Variants in SPSB1 observed in about 807,000 individuals in gnomAD.
SPSB1 encodes SPRY domain-containing SOCS box protein 1.
A neutral mutation model predicts 21.2 loss-of-function variants in SPSB1; 8 were observed. The observed-to-expected ratio is 0.38, with a 90% CI of 0.22 to 0.68. The LOEUF (loss-of-function observed/expected upper bound fraction) is 0.68. SPSB1 is among the 30% of genes least tolerant of loss of function. SPSB1 has a pLI of 0.53. For missense variants in SPSB1, 242 were observed against 377.8 expected (o/e 0.64, Z 2.98); for synonymous variants, 169 against 161.7 (o/e 1.05, Z -0.34).
intron 1 of SPSB1, among the ~76,000 whole-genome samples, chr1:9,314,692 A>G (rs1049023095): frequency 6.6e-6 from 1 of 152,250 alleles, no homozygotes; most frequent in Non-Finnish European, 1.5e-5. Flanking sequence ...GGGAAGAATC[A>G]GCCTTGAGTG....
intron 1 of SPSB1, among the ~76,000 whole-genome samples, chr1:9,353,605 A>C (rs1557463979): frequency 6.6e-6 from 1 of 152,264 alleles, no homozygotes; most frequent in South Asian, 2.1e-4. Context: ...TGAAGAGATG[A>C]CCGTGCCCCT....
intron 2 of SPSB1, among the ~76,000 whole-genome samples, chr1:9,361,687 C>G (rs1640483051): frequency 6.6e-6 from 1 of 152,364 alleles, no homozygotes; most frequent in South Asian, 2.1e-4. Flanking sequence ...GATTCCTCCT[C>G]AAGGCTCGAG....
intron 1 of SPSB1, among the ~76,000 whole-genome samples, chr1:9,349,430 CAG>C (rs958279306): frequency 3.9e-5 from 6 of 152,128 alleles, no homozygotes; most frequent in African/African-American, 1.4e-4. Context: ...AGTGTGGGGT[CAG>C]GGGGCTGTCC....
At position 9,316,927 on chromosome 1, in the gene SPSB1, A is replaced by C. The variant is rs571479199; in HGVS notation, c.-150+23856A>C. 2.8e-4 allele frequency among the ~76,000 whole-genome samples: 42 copies of C among 152,166 alleles called. No individual in the cohort carries two copies. The South Asian group carries it at 8.7e-3, about 32-fold the overall frequency. ...TATAAGAGTGCCCCCGGGTAGAGGG[A>C]GCTGCCTGGTGCTCTCCTTCTGATC... is the stretch of plus-strand genomic sequence containing the variant. On this transcript the variant is annotated intron_variant, in intron 1 of 2. Transcript: ENST00000328089.
chr1:9,328,637 C>T (rs1639864491), intron 1 of SPSB1, among the ~76,000 whole-genome samples: 1 of 152,258 alleles, frequency 6.6e-6, no homozygotes, highest in South Asian at 2.1e-4. Flanking sequence ...GCCCCACCCA[C>T]TGCCTCCCTC....
Position 9,355,953 on chromosome 1 carries a change from C to T in SPSB1, c.62C>T (p.Pro21Leu), listed in dbSNP as rs1640354889. The stretch of plus-strand genomic sequence containing the variant: ...GACATGAGGGACCCCACGTACAGGC[C>T]CCTGAAGCAGGAGCTCCAGGGTCTG... ...TVDMRDPTYR[P>L]LKQELQGLDY... The change falls in exon 2 of 3, where the codon CCC becomes CTC. Residue 21 changes from proline (P) to leucine (L), a missense_variant. By Grantham distance (98) the Pro-to-Leu change is moderately conservative (BLOSUM62 -3). Transcript: ENST00000328089. The T allele has an allele frequency of 6.2e-7, 1 of 1,613,320 alleles. No individual in the cohort carries two copies. Among genetic ancestry groups the T allele is most frequent in the Non-Finnish European group, 8.5e-7 (1 of 1,179,606 alleles).
chr1:9,303,749 T>G (rs1639369122), intron 1 of SPSB1, among the ~76,000 whole-genome samples: 1 of 152,184 alleles, frequency 6.6e-6, no homozygotes, highest in Admixed American at 6.5e-5. Flanking sequence ...CCTTGGAGAT[T>G]AAGTATGGTT....
intron 1 of SPSB1, among the ~76,000 whole-genome samples, chr1:9,313,803 G>T (rs1258035305): frequency 6.6e-6 from 1 of 152,246 alleles, no homozygotes; most frequent in Non-Finnish European, 1.5e-5. Context: ...CTCAGTGAAG[G>T]CTGAGTGAAT....
chr1:9,339,125 G>A (rs1192721207), intron 1 of SPSB1: 10 of 762,406 alleles, frequency 1.3e-5, no homozygotes, highest in African/African-American at 1.9e-5. Context: ...CAGGCCTGGG[G>A]ACCCTACTGC....
rs1188986286 is a variant in SPSB1 at position 9,317,812 on chromosome 1, G to T, written c.-150+24741G>T. ...AAGACAGTTTCAGAGCCTTATGTAG[G>T]TGATTTCCGGTGGCGAGGGAACCAA... On this transcript the variant is annotated intron_variant, in intron 1 of 2. Coordinates refer to ENST00000328089, the MANE Select transcript of SPSB1 (RefSeq NM_025106.4). The surrounding 1 kb of genome is among the most constrained non-coding windows in gnomAD (Gnocchi z 4.3). 6.6e-6 allele frequency among the ~76,000 whole-genome samples: 1 copy of T among 151,038 alleles called. No individual in the cohort carries two copies. Among genetic ancestry groups the T allele is most frequent in the Non-Finnish European group, 1.5e-5 (1 of 67,922 alleles).
At position 9,305,558 on chromosome 1, in the gene SPSB1, G is replaced by A. The variant is rs1402962863; in HGVS notation, c.-150+12487G>A. 6.6e-6 allele frequency among the ~76,000 whole-genome samples: 1 copy of A among 152,204 alleles called. No homozygotes were observed. On this transcript the variant is annotated intron_variant, in intron 1 of 2. Transcript: ENST00000328089. This position sits in a 1 kb window ranked among gnomAD's most constrained non-coding sequence, Gnocchi z 4.8. Reference sequence around the variant, plus strand: ...CGTAGTGGATCCTAGCAGGGTCTGGGAGAGCTCGATGTGGGCCCAGGGTGT... The same window carrying A: ...CGTAGTGGATCCTAGCAGGGTCTGGAAGAGCTCGATGTGGGCCCAGGGTGT...
At position 9,368,710 on chromosome 1, in the gene SPSB1, G is replaced by A. The variant is rs9728893; in HGVS notation, c.*1135G>A. 145,646 of 151,810 alleles carry A rather than the reference G, an allele frequency of 0.96. 70,082 individuals are homozygous for A. Among genetic ancestry groups the A allele is most frequent in the East Asian group, 1 (5,125 of 5,126 alleles). 9.4% of individuals were successfully genotyped at this position (151,810 alleles called of 1,614,324 possible). ...GTGGGTCTCCATTCCCCGAGAAGCCGGGGGCAGGGTGGGATGGGGAAGACC... is the reference window on the plus strand; with the variant it reads ...GTGGGTCTCCATTCCCCGAGAAGCCAGGGGCAGGGTGGGATGGGGAAGACC... On this transcript the variant is annotated 3_prime_UTR_variant, in exon 3 of 3. Transcript: ENST00000328089.
intron 1 of SPSB1, among the ~76,000 whole-genome samples, chr1:9,301,946 C>A (rs531664378): frequency 7.2e-5 from 11 of 152,316 alleles, no homozygotes; most frequent in African/African-American, 2.6e-4. Flanking sequence ...CTTCCCTGCA[C>A]ACAGTGCTTC....
At chr1:9,309,339 A>T in intron 1 of SPSB1, among the ~76,000 whole-genome samples, 1 of 147,894 alleles carries the variant, frequency 6.8e-6, no homozygotes, top group African/African-American at 2.6e-5. Context: ...TGTGTGAGTG[A>T]CAGATTCTCT....
intron 1 of SPSB1, among the ~76,000 whole-genome samples, chr1:9,331,318 C>CTTT (rs1569610888): frequency 7.0e-5 from 5 of 71,654 alleles, no homozygotes; most frequent in African/African-American, 2.4e-4. Flanking sequence ...TACTGGTGCT[C>CTTT]TTGTTTTTTT....
At chr1:9,298,262 G>GA (rs1199620024) in intron 1 of SPSB1, among the ~76,000 whole-genome samples, 2 of 151,990 alleles carry the variant, frequency 1.3e-5, no homozygotes, top group Admixed American at 1.3e-4. Context: ...CAGGTCAAAT[G>GA]AAAAAAAGTC....
rs1035449865 is a variant in SPSB1, at chr1:9,365,555, G to T, written c.695-1893G>T. 3.4e-5 allele frequency among the ~76,000 whole-genome samples: 5 copies of T among 147,180 alleles called. No homozygotes were observed. The East Asian group carries it at 1.1e-3, about 31-fold the overall frequency. On this transcript the variant is annotated intron_variant, in intron 2 of 2. Transcript: ENST00000328089. ...ACCCATTAAAGTATCCAATTCAGTG[G>T]CCTCTTGCGTGGTGAGATGTAGGAA... is the stretch of plus-strand genomic sequence containing the variant.
intron 1 of SPSB1, among the ~76,000 whole-genome samples, chr1:9,319,467 G>A (rs1210838259): frequency 1.3e-5 from 2 of 152,262 alleles, no homozygotes; most frequent in Admixed American, 6.5e-5. Context: ...GTACAGGGGT[G>A]GGATGAGAGG....
At position 9,363,380 on chromosome 1, in the gene SPSB1, T is replaced by C. The variant is rs1246428762; in HGVS notation, c.695-4068T>C. Among the ~76,000 whole-genome samples, 1 of 152,020 alleles carries C rather than the reference T, an allele frequency of 6.6e-6. No homozygotes were observed. Among genetic ancestry groups the C allele is most frequent in the Non-Finnish European group, 1.5e-5 (1 of 68,000 alleles). On this transcript the variant is annotated intron_variant, in intron 2 of 2. Transcript: ENST00000328089. The surrounding 1 kb of genome is among the most constrained non-coding windows in gnomAD (Gnocchi z 4.5). Reference sequence around the variant, plus strand: ...CCGTCTTGGTGGATCCCATGACCCATCCCTAACTGGTTTATTCAGTGAGAT... The same window carrying C: ...CCGTCTTGGTGGATCCCATGACCCACCCCTAACTGGTTTATTCAGTGAGAT...
Sources: allele counts gnomAD v4.1 joint callset (sites outside exome capture counted in the v4.1 genomes callset), GRCh38; gene constraint gnomAD v4.1.1; non-coding constraint Gnocchi (gnomAD v3.1); transcripts MANE v1.5; gene names NCBI Gene and HGNC (gene_info 2026-07-23, HGNC 2026-07-21).